The following ZP3 variants were observed in gnomAD, a reference collection of about 807,000 sequenced individuals.
ZP3 encodes zona pellucida sperm-binding protein 3.
A neutral mutation model predicts 35.6 loss-of-function variants in ZP3; 21 were observed. The observed-to-expected ratio is 0.59, with a 90% CI of 0.42 to 0.85. The LOEUF is 0.85. ZP3 is among the 40% of genes least tolerant of loss of function. The pLI is 0.00. For synonymous variants in ZP3, 207 were observed against 214.5 expected (o/e 0.96, Z 0.31); for missense variants, 437 against 536.5 (o/e 0.81, Z 1.83).
intron 1 of ZP3, chr7:76,400,678 T>G: frequency 7.4e-7 from 1 of 1,343,510 alleles, no homozygotes; most frequent in Non-Finnish European, 9.8e-7. Flanking sequence ...ATTTTATTAT[T>G]ATTTTTTTTG....
Position 76,440,242 on chromosome 7 carries a change from C to A in ZP3, c.832-8C>A, listed in dbSNP as rs1457108776. 6.2e-7 allele frequency: 1 copy of A among 1,607,092 alleles called. No individual in the cohort carries two copies. The highest frequency in any genetic ancestry group is 1.3e-5 in the African/African-American group (1 of 74,748). On this transcript the variant is annotated splice_polypyrimidine_tract_variant and splice_region_variant and intron_variant, in intron 5 of 7. Transcript: ENST00000394857. ...ACTCGGCCTGGAAATAGCTGTTATT[C>A]CTTGCAGATATACATCACCTGCCAC...
rs1383266894 is a variant in ZP3 at position 76,401,135 on chromosome 7, A to G, written c.-67+3338A>G. 9 of 1,422,856 alleles carry G rather than the reference A, an allele frequency of 6.3e-6. No individual in the cohort carries two copies. The East Asian group carries it at 2.4e-4, about 38-fold the overall frequency. The allele number at this position is 1,422,856 out of a possible 1,614,324, so 88.1% of individuals were successfully genotyped here. ...CACCCCCCAACTCCCACAGTCCTCAACATTACCCCCATCTTCTTGGACTTC... is the reference window on the plus strand; with the variant it reads ...CACCCCCCAACTCCCACAGTCCTCAGCATTACCCCCATCTTCTTGGACTTC... On this transcript the variant is annotated intron_variant, in intron 1 of 8. Transcript: ENST00000336517.
chr7:76,440,044 A>C (rs1806148256), intron 5 of ZP3: 2 of 653,592 alleles, frequency 3.1e-6, no homozygotes, highest in Admixed American at 3.0e-5. Flanking sequence ...ATGGGGTTTC[A>C]CCATGTTGGC....
chr7:76,438,538 G>GGGAAAAAAAA (rs1554626485), intron 5 of ZP3, among the ~76,000 whole-genome samples: 4 of 88,562 alleles, frequency 4.5e-5, no homozygotes, highest in African/African-American at 1.6e-4. Flanking sequence ...CTCCGTCTCA[G>GGGAAAAAAAA]AAAAAAAAAA....
At chr7:76,411,126 G>T (rs1409177079) in intron 1 of ZP3, among the ~76,000 whole-genome samples, 10 of 151,944 alleles carry the variant, frequency 6.6e-5, no homozygotes, top group African/African-American at 9.7e-5. Context: ...GCCTGGGGAA[G>T]CCCCTTCCCT....
At chr7:76,436,042 T>TCC (rs1805995121) in intron 5 of ZP3, among the ~76,000 whole-genome samples, 280 of 27,996 alleles carry the variant, frequency 0.01, no homozygotes, top group Admixed American at 0.014. Flanking sequence ...TTTTTTTTTT[T>TCC]TTTTTTTTTT....
chr7:76,435,199 C>T (rs1433004124), intron 5 of ZP3, among the ~76,000 whole-genome samples: 1 of 152,232 alleles, frequency 6.6e-6, no homozygotes, highest in Non-Finnish European at 1.5e-5. Flanking sequence ...AAAAAATTAG[C>T]TGGGCATGAT....
intron 7 of ZP3, among the ~76,000 whole-genome samples, 187 bp downstream of exon 7, chr7:76,440,798 G>T (rs1037391349): frequency 4.8e-5 from 7 of 144,968 alleles, no homozygotes; most frequent in Admixed American, 2.1e-4. Flanking sequence ...CTTCCACCTC[G>T]GTGGCAGCCA....
intron 1 of ZP3, among the ~76,000 whole-genome samples, chr7:76,428,123 C>T (rs1360278225): frequency 2.0e-5 from 3 of 149,020 alleles, no homozygotes; most frequent in Admixed American, 6.8e-5. Context: ...GCCAGGAGTT[C>T]GAGACCAGCC....
intron 1 of ZP3, among the ~76,000 whole-genome samples, chr7:76,402,182 A>ATTTTTTTTTTTT (rs57389874): frequency 7.9e-6 from 1 of 127,234 alleles, no homozygotes; most frequent in Non-Finnish European, 1.7e-5. Flanking sequence ...CTGCCCAGCT[A>ATTTTTTTTTTTT]TTTTTTTTTT....
chr7:76,401,542 G>A (rs1016696482), intron 1 of ZP3, among the ~76,000 whole-genome samples: 3 of 152,004 alleles, frequency 2.0e-5, no homozygotes, highest in East Asian at 1.9e-4. Flanking sequence ...TCAGCCTCCC[G>A]AGTAGCTGGG....
chr7:76,428,418 A>G (rs1034918049), intron 1 of ZP3, among the ~76,000 whole-genome samples: 1 of 152,222 alleles, frequency 6.6e-6, no homozygotes, highest in African/African-American at 2.4e-5. Flanking sequence ...ACTGATTCTC[A>G]AGAGAATCTC....
intron 1 of ZP3, among the ~76,000 whole-genome samples, chr7:76,416,494 C>T (rs983461426): frequency 4.6e-5 from 7 of 151,422 alleles, no homozygotes; most frequent in Non-Finnish European, 7.4e-5. Flanking sequence ...GGGTCACATG[C>T]GAGGTGAAAC....
At chr7:76,423,025 G>GAAAGAAAGAAAGAAAGAAAGAAAA (rs1554624492), upstream of ZP3, among the ~76,000 whole-genome samples, 3 of 75,806 alleles carry the variant, frequency 4.0e-5, no homozygotes, top group African/African-American at 1.5e-4. Flanking sequence ...GAGAGAGAGA[G>GAAAGAAAGAAAGAAAGAAAGAAAA]AGAAAGAAAG....
chr7:76,433,081 C>G (rs762654686), intron 3 of ZP3, 51 bp downstream of exon 3: 1 of 1,379,262 alleles, frequency 7.3e-7, no homozygotes, highest in Non-Finnish European at 9.9e-7. Context: ...TGGGCCATCT[C>G]AGACCCCTGC....
At chr7:76,405,348 T>TCTTTCTTTCTTTC (rs1471163670) in intron 1 of ZP3, among the ~76,000 whole-genome samples, 1 of 112,472 alleles carries the variant, frequency 8.9e-6, no homozygotes, top group African/African-American at 3.2e-5. Context: ...TCTTTTTTTT[T>TCTTTCTTTCTTTC]TTTTTTTTTT....
chr7:76,430,961 C>T (rs912895204), intron 2 of ZP3, among the ~76,000 whole-genome samples: 10 of 152,148 alleles, frequency 6.6e-5, no homozygotes, highest in African/African-American at 2.2e-4. Flanking sequence ...GGGCTGGAGC[C>T]CAGGGACTGG....
chr7:76,400,742 A>G, intron 1 of ZP3: 2 of 1,053,582 alleles, frequency 1.9e-6, no homozygotes, highest in Non-Finnish European at 2.6e-6. Context: ...TCCTGGGCTC[A>G]AGTGATCCTC....
intron 1 of ZP3, among the ~76,000 whole-genome samples, chr7:76,417,896 G>A (rs1805412837): frequency 6.6e-6 from 1 of 151,416 alleles, no homozygotes; most frequent in African/African-American, 2.4e-5. Flanking sequence ...TTACAGGCAT[G>A]AGCCACCATG....
Sources: gnomAD v4.1 joint callset for allele counts (sites outside exome capture counted in the v4.1 genomes callset) on GRCh38, gnomAD v4.1.1 for gene constraint, MANE v1.5 for transcripts, NCBI Gene and HGNC (gene_info 2026-07-23, HGNC 2026-07-21) for gene names.